Variants in TRIM35 observed in about 807,000 individuals in gnomAD.
The protein encoded by TRIM35 is E3 ubiquitin-protein ligase TRIM35.
A neutral mutation model predicts 49.1 loss-of-function variants in TRIM35; 37 were observed. The observed-to-expected ratio is 0.75, with a 90% CI of 0.58 to 0.99. The LOEUF is 0.99. Among genes scored for constraint, TRIM35 ranks in the 50% least tolerant of loss-of-function variants. TRIM35 has a pLI of 0.00. For synonymous variants in TRIM35, 302 were observed against 289.3 expected (o/e 1.04, Z -0.45); for missense variants, 648 against 702.7 (o/e 0.92, Z 0.88).
In TRIM35 at chr8:27,310,936, G is replaced by A; in HGVS notation, c.300C>T (p.Val100=). 1.9e-6 allele frequency: 3 copies of A among 1,612,690 alleles called. No homozygotes were observed. The highest frequency in any genetic ancestry group is 2.5e-6 in the Non-Finnish European group (3 of 1,179,770). The change falls in exon 1 of 6, where the codon GTC becomes GTT. Residue 100 remains valine, a synonymous_variant. Coordinates refer to ENST00000305364, the MANE Select transcript of TRIM35 (RefSeq NM_171982.5). ...ARWTSYRFSR[V]CRLHRGQLSL... ...TGAGCTGTCCGCGGTGCAGGCGGCA[G>A]ACACGCGAGAAGCGGTAGCTGGTCC...
chr8:27,287,666 G>T lies in TRIM35; in HGVS notation c.1366C>A (p.Arg456Ser). 6.2e-7 allele frequency: 1 copy of T among 1,609,906 alleles called. No homozygotes were observed. The highest frequency in any genetic ancestry group is 8.5e-7 in the Non-Finnish European group (1 of 1,178,348). ...RHCHLYTFHA[R>S]FGEVRPYFYL... ...AAGTAGGGGCGAACCTCCCCAAAGC[G>T]GGCGTGGAAGGTGTACAGGTGGCAG... Residue 456 changes from arginine (R) to serine (S), a missense_variant, in exon 6 of 6, where the codon CGC becomes AGC. Physicochemically the swap from Arg to Ser is moderately radical, Grantham distance 110. Transcript: ENST00000305364. This position sits in a 1 kb window ranked among gnomAD's most constrained non-coding sequence, Gnocchi z 6.0.
intron 3 of TRIM35, among the ~76,000 whole-genome samples, chr8:27,292,822 G>A (rs1230205003): frequency 6.6e-6 from 1 of 152,072 alleles, no homozygotes; most frequent in Admixed American, 6.5e-5. Flanking sequence ...TTTTAAATGG[G>A]TGAATTGTTT....
At chr8:27,291,293 G>GC (rs1802448658) in intron 3 of TRIM35, among the ~76,000 whole-genome samples, 1 of 152,092 alleles carries the variant, frequency 6.6e-6, no homozygotes, top group African/African-American at 2.4e-5. Context: ...TGATCAAAAA[G>GC]CCCATGAAAA....
intron 2 of TRIM35, among the ~76,000 whole-genome samples, chr8:27,297,216 A>G (rs1181381450): frequency 1.3e-5 from 2 of 152,194 alleles, no homozygotes; most frequent in Non-Finnish European, 2.9e-5. Flanking sequence ...CTATGGACAC[A>G]TGGTGGAGGG....
rs372017510 is a variant in TRIM35, at chr8:27,293,777, C to T, written c.762+303G>A. On this transcript the variant is annotated intron_variant, in intron 3 of 5. Transcript: ENST00000305364. ...GCTAAGGAGAGAGGATCACTTGAGC[C>T]CATGAGTTTGAGGTTACACTGAGCT... Among the ~76,000 whole-genome samples, 4 of 152,130 alleles carry T rather than the reference C, an allele frequency of 2.6e-5. No homozygotes were observed. In the South Asian group the frequency reaches 8.3e-4, roughly 32 times the overall value.
Position 27,306,421 on chromosome 8 carries a change from G to GT in TRIM35, c.435+4379dup, listed in dbSNP as rs200445281. ...GCTCACTGCAACCTCCATCTCCCGG[G>GT]TTTAAGCGATTCTCCTGCCTCAGCC... On this transcript the variant is annotated intron_variant, in intron 1 of 5. Transcript: ENST00000305364. 5.0e-3 allele frequency among the ~76,000 whole-genome samples: 754 copies of GT among 150,286 alleles called. 9 individuals carry two copies. Among genetic ancestry groups the GT allele is most frequent in the African/African-American group, 0.018 (731 of 40,862 alleles).
chr8:27,296,262 C>T (rs1244066533), intron 2 of TRIM35, among the ~76,000 whole-genome samples: 1 of 151,798 alleles, frequency 6.6e-6, no homozygotes, highest in African/African-American at 2.4e-5. Context: ...ACCTGTCAAC[C>T]CATCACCTAG....
At position 27,290,188 on chromosome 8, in the gene TRIM35, TA is replaced by T; in HGVS notation, c.763-11del. The T allele has an allele frequency of 1.2e-6, 2 of 1,613,324 alleles. No homozygotes were observed. The highest frequency in any genetic ancestry group is 1.7e-6 in the Non-Finnish European group (2 of 1,179,652). On this transcript the variant is annotated splice_polypyrimidine_tract_variant and intron_variant, in intron 3 of 5. Transcript: ENST00000305364. ...TTCGGCTCTTGTGTTTCTGAAAAAA[TA>T]AAAATAAAAAAATAACACAGAGACA... is the stretch of plus-strand genomic sequence containing the variant.
At chr8:27,297,141 CTG>C in intron 2 of TRIM35, among the ~76,000 whole-genome samples, 1 of 152,260 alleles carries the variant, frequency 6.6e-6, no homozygotes, top group Admixed American at 6.5e-5. Flanking sequence ...TCCACCAGCT[CTG>C]TGGCTCAGGG....
At chr8:27,310,323 T>C (rs113676263) in intron 1 of TRIM35, among the ~76,000 whole-genome samples, 28 of 152,316 alleles carry the variant, frequency 1.8e-4, no homozygotes, top group Non-Finnish European at 3.4e-4. Context: ...ACTCAGATAA[T>C]ACAAACCGCG....
intron 4 of TRIM35, 136 bp downstream of exon 4, chr8:27,290,020 A>C: frequency 1.0e-6 from 1 of 1,003,966 alleles, no homozygotes; most frequent in Non-Finnish European, 1.5e-6. Flanking sequence ...CTCTCCCTCT[A>C]AAACCAGGGC....
chr8:27,298,634 A>C, intron 1 of TRIM35, 75 bp from the exon 2 acceptor site: 1 of 1,207,872 alleles, frequency 8.3e-7, no homozygotes, highest in Non-Finnish European at 1.2e-6. Flanking sequence ...GACACATCAC[A>C]TTTACAACTG....
At position 27,285,664 on chromosome 8, in the gene TRIM35, G is replaced by C. The variant is rs1802299109; in HGVS notation, c.*1886C>G. The C allele has an allele frequency of 1.8e-5, 1 of 54,964 alleles. No homozygotes were observed. The highest frequency in any genetic ancestry group is 3.4e-5 in the Non-Finnish European group (1 of 29,716). The allele number at this position is 54,964 out of a possible 1,614,324, so 3.4% of individuals were successfully genotyped here. The stretch of plus-strand genomic sequence containing the variant: ...AGGCCTAGCCTGCTCAAGTTATCCT[G>C]TTAAAAAAAAAAAAAAAAAAAAAAC... On this transcript the variant is annotated 3_prime_UTR_variant, in exon 6 of 6. Transcript: ENST00000305364.
chr8:27,292,574 T>C (rs1200546162), intron 3 of TRIM35, among the ~76,000 whole-genome samples: 2 of 152,248 alleles, frequency 1.3e-5, no homozygotes, highest in South Asian at 2.1e-4. Flanking sequence ...TTCCATGCAT[T>C]TGAAATGTCT....
Position 27,311,220 on chromosome 8 carries a change from C to T in TRIM35, c.16G>A (p.Asp6Asn), listed in dbSNP as rs751238182. Residue 6 changes from aspartate to asparagine, a missense_variant, in exon 1 of 6, where the codon GAC (aspartate) becomes AAC (asparagine). Physicochemically the swap from Asp to Asn is conservative, Grantham distance 23. Transcript: ENST00000305364. MERSP[D>N]VSPGPSRSFK... ...GAGCGGGAAGGCCCGGGGGACACGT[C>T]GGGACTCCGCTCCATGGCACGAGCA... The T allele has an allele frequency of 2.6e-6, 4 of 1,562,140 alleles. No homozygotes were observed. The highest frequency in any genetic ancestry group is 4.6e-5 in the East Asian group (2 of 43,490).
chr8:27,295,978 A>G (rs955454889), intron 2 of TRIM35, among the ~76,000 whole-genome samples: 1 of 152,224 alleles, frequency 6.6e-6, no homozygotes, highest in Non-Finnish European at 1.5e-5. Context: ...AGGGAAAAAA[A>G]GAATGTGAAT....
intron 5 of TRIM35, 86 bp downstream of exon 5, chr8:27,289,076 C>T (rs751931906): frequency 6.0e-5 from 65 of 1,077,020 alleles, no homozygotes; most frequent in Admixed American, 1.5e-4. Flanking sequence ...GGGAGGTGGG[C>T]CCGGCAGAGA....
At chr8:27,299,701 G>T (rs567207103) in intron 1 of TRIM35, among the ~76,000 whole-genome samples, 1 of 152,146 alleles carries the variant, frequency 6.6e-6, no homozygotes, top group Non-Finnish European at 1.5e-5. Flanking sequence ...CAGATGTGTC[G>T]CCCAAAGCCT....
chr8:27,287,511 C>T lies in TRIM35; in HGVS notation c.*39G>A, dbSNP rs760964927. The T allele has an allele frequency of 4.8e-5, 72 of 1,499,892 alleles. No homozygotes were observed. The highest frequency in any genetic ancestry group is 3.6e-4 in the Middle Eastern group (2 of 5,592). The allele number at this position is 1,499,892 out of a possible 1,614,324, so 92.9% of individuals were successfully genotyped here. A position where few individuals can be genotyped will look rare whatever the true frequency, so the allele number is the denominator to read the frequency against. On this transcript the variant is annotated 3_prime_UTR_variant, in exon 6 of 6. Transcript: ENST00000305364. The surrounding 1 kb of genome is among the most constrained non-coding windows in gnomAD (Gnocchi z 6.0). ...CATTAGGAAGAGGGCAGAAAGAAAA[C>T]AGTGCTGTGGCACAAGACCGGGGCA...
Sources: allele counts gnomAD v4.1 joint callset (sites outside exome capture counted in the v4.1 genomes callset), GRCh38; gene constraint gnomAD v4.1.1; non-coding constraint Gnocchi (gnomAD v3.1); transcripts MANE v1.5; gene names NCBI Gene and HGNC (gene_info 2026-07-23, HGNC 2026-07-21).